DAB1: variants seen among roughly 807,000 people sequenced by gnomAD.
The protein encoded by DAB1 is disabled homolog 1.
DAB1 carries 15 observed loss-of-function variants against 64.6 expected under a neutral mutation model. The observed-to-expected ratio is 0.23, with a 90% CI of 0.16 to 0.36. The LOEUF (loss-of-function observed/expected upper bound fraction) is 0.36, where lower values mean the gene tolerates loss of function less well. DAB1 is among the 10% of genes least tolerant of loss of function. The pLI is 1.00. For synonymous variants in DAB1, 235 were observed against 251.9 expected, an observed-to-expected ratio of 0.93 and a Z score of 0.64; for missense variants, 596 against 706.7, an observed-to-expected ratio of 0.84 and a Z score of 1.78.
At chr1:57,648,526 C>T (rs1341469444) in intron 7 of DAB1, among the ~76,000 whole-genome samples, 2 of 152,186 alleles carry the variant, frequency 1.3e-5, no homozygotes, top group Non-Finnish European at 2.9e-5. Context: ...TTGAGTCCCT[C>T]AGAGTAATTA....
At chr1:58,093,459 C>T (rs188848934) in intron 5 of DAB1, among the ~76,000 whole-genome samples, 2 of 151,960 alleles carry the variant, frequency 1.3e-5, no homozygotes, top group East Asian at 3.9e-4. Flanking sequence ...AGATCTGTGG[C>T]GTTAGATTCT....
intron 7 of DAB1, among the ~76,000 whole-genome samples, chr1:57,516,095 C>A (rs969962818): frequency 6.6e-6 from 1 of 152,104 alleles, no homozygotes; most frequent in African/African-American, 2.4e-5. Flanking sequence ...TAAATAAATG[C>A]ATTAAAGTGG....
chr1:57,083,400 C>T (rs959622168), intron 4 of DAB1, among the ~76,000 whole-genome samples: 2 of 152,102 alleles, frequency 1.3e-5, no homozygotes, highest in African/African-American at 4.8e-5. Context: ...TCCTAATAAC[C>T]ATTGTGGGTG....
At chr1:57,794,173 C>A (rs1650731490) in intron 6 of DAB1, among the ~76,000 whole-genome samples, 1 of 152,154 alleles carries the variant, frequency 6.6e-6, no homozygotes, top group Non-Finnish European at 1.5e-5. Flanking sequence ...CCGTAGGGAC[C>A]CAAGATTTGG....
At chr1:57,968,955 A>G (rs1301845554) in intron 5 of DAB1, among the ~76,000 whole-genome samples, 1 of 152,146 alleles carries the variant, frequency 6.6e-6, no homozygotes, top group Non-Finnish European at 1.5e-5. Flanking sequence ...CATAATTTGT[A>G]TACTGTTCAA....
intron 4 of DAB1, among the ~76,000 whole-genome samples, chr1:58,223,986 C>T (rs1042376476): frequency 1.3e-5 from 2 of 152,192 alleles, no homozygotes; most frequent in African/African-American, 4.8e-5. Flanking sequence ...CTGTCTCCTG[C>T]GTTCTCAAAG....
chr1:57,897,580 G>A (rs1410126615), intron 5 of DAB1, among the ~76,000 whole-genome samples: 3 of 152,084 alleles, frequency 2.0e-5, no homozygotes, highest in South Asian at 2.1e-4. Flanking sequence ...TGGCCAGCTC[G>A]TGCCTTTTCC....
intron 4 of DAB1, among the ~76,000 whole-genome samples, chr1:58,290,724 C>T (rs1661802033): frequency 6.6e-6 from 1 of 152,156 alleles, no homozygotes; most frequent in Non-Finnish European, 1.5e-5. Flanking sequence ...TTATTCATTT[C>T]TGGGTCTCTA....
intron 7 of DAB1, among the ~76,000 whole-genome samples, chr1:57,517,693 A>C (rs1175585421): frequency 6.6e-6 from 1 of 152,260 alleles, no homozygotes; most frequent in Non-Finnish European, 1.5e-5. Flanking sequence ...ACTCAGCTTC[A>C]ATCGGCAGTG....
intron 7 of DAB1, among the ~76,000 whole-genome samples, chr1:57,452,608 G>A (rs1029938088): frequency 6.6e-6 from 1 of 152,094 alleles, no homozygotes; most frequent in African/African-American, 2.4e-5. Flanking sequence ...GATGGTGGTG[G>A]GGGGCGCGGG....
intron 7 of DAB1, among the ~76,000 whole-genome samples, chr1:57,497,879 A>G (rs916210237): frequency 6.6e-5 from 10 of 152,220 alleles, no homozygotes; most frequent in Non-Finnish European, 1.2e-4. Context: ...TTAGTTCTGT[A>G]TTCTTAAATG....
At chr1:57,080,590 G>A (rs868474284) in intron 4 of DAB1, among the ~76,000 whole-genome samples, 3 of 152,266 alleles carry the variant, frequency 2.0e-5, no homozygotes, top group South Asian at 2.1e-4. Context: ...AATATAGGGA[G>A]ATGCACTAGT....
chr1:58,030,468 T>G (rs1361585850), intron 5 of DAB1, among the ~76,000 whole-genome samples: 1 of 152,166 alleles, frequency 6.6e-6, no homozygotes, highest in Non-Finnish European at 1.5e-5. Context: ...CTCAAAAGAG[T>G]GCTTTGATGA....
intron 4 of DAB1, among the ~76,000 whole-genome samples, chr1:57,099,538 A>C (rs1452684248): frequency 2.6e-5 from 4 of 152,216 alleles, no homozygotes; most frequent in Non-Finnish European, 5.9e-5. Context: ...TAAACTGATG[A>C]AGACATTATT....
intron 6 of DAB1, among the ~76,000 whole-genome samples, chr1:57,795,454 C>T (rs752590815): frequency 6.6e-6 from 1 of 151,250 alleles, no homozygotes; most frequent in Non-Finnish European, 1.5e-5. Flanking sequence ...GAGTAGATTT[C>T]CAGACAAAGG....
intron 4 of DAB1, among the ~76,000 whole-genome samples, chr1:57,085,759 C>A (rs1460970268): frequency 6.6e-6 from 1 of 152,196 alleles, no homozygotes; most frequent in Non-Finnish European, 1.5e-5. Flanking sequence ...ACATCCCCAG[C>A]TCCTCGCACA....
chr1:57,364,332 A>T (rs1029117196), intron 1 of DAB1, among the ~76,000 whole-genome samples: 15 of 152,194 alleles, frequency 9.9e-5, no homozygotes, highest in Non-Finnish European at 1.6e-4. Context: ...TAGCAAGAGA[A>T]GTCATTTAAA....
chr1:58,436,613 C>T (rs1016838268), intron 3 of DAB1, among the ~76,000 whole-genome samples: 11 of 152,108 alleles, frequency 7.2e-5, no homozygotes, highest in Admixed American at 4.6e-4. Flanking sequence ...AAAAACAAGT[C>T]GTTAACACCA....
At chr1:58,177,887 A>T (rs1204142312) in intron 4 of DAB1, among the ~76,000 whole-genome samples, 1 of 152,224 alleles carries the variant, frequency 6.6e-6, no homozygotes, top group Non-Finnish European at 1.5e-5. Context: ...GTTATAAGTC[A>T]GTCCAAAATT....
Sources: allele counts gnomAD v4.1 joint callset (sites outside exome capture counted in the v4.1 genomes callset), GRCh38; gene constraint gnomAD v4.1.1; transcripts MANE v1.5; gene names NCBI Gene and HGNC (gene_info 2026-07-23, HGNC 2026-07-21).